The following KLK9 variants were observed in gnomAD, a reference collection of about 807,000 sequenced individuals.
KLK9 encodes the protein kallikrein-9.
Under a neutral mutation model 23.3 loss-of-function variants are expected in KLK9, and 26 were observed. The ratio of observed to expected loss-of-function variants is 1.12; its 90% CI spans 0.82 to 1.55. The LOEUF (loss-of-function observed/expected upper bound fraction) is 1.55, where lower values mean the gene tolerates loss of function less well. Ranked by LOEUF, KLK9 falls within the 40% of genes most tolerant of loss-of-function variation. KLK9 has a pLI of 0.00. For missense variants in KLK9, 346 were observed against 333.7 expected, an observed-to-expected ratio of 1.04 and a Z score of -0.29; for synonymous variants, 122 against 128.5, an observed-to-expected ratio of 0.95 and a Z score of 0.34.
chr19:51,004,227 C>T (rs1048860494), intron 3 of KLK9, among the ~76,000 whole-genome samples: 2 of 150,994 alleles, frequency 1.3e-5, no homozygotes, highest in African/African-American at 4.9e-5. Context: ...GTAATCCCAG[C>T]TACTCGGGAG....
chr19:51,007,265 T>C (rs1243362272), intron 2 of KLK9, among the ~76,000 whole-genome samples: 1 of 151,892 alleles, frequency 6.6e-6, no homozygotes, highest in East Asian at 1.9e-4. Flanking sequence ...CCTTCACCCT[T>C]CAATGCATGT....
chr19:51,009,471 A>T lies in KLK9; in HGVS notation c.43+34T>A, dbSNP rs1239302213. ...GGGAAGAGCAAGGTGACCTTAGTAC[A>T]GCCGTGAAGGGGCAGCCAGCCTGGG... On this transcript the variant is annotated intron_variant, in intron 1 of 4. Transcript: ENST00000594211. The surrounding 1 kb of genome is among the most constrained non-coding windows in gnomAD (Gnocchi z 4.8). 20 of 1,595,270 alleles carry T rather than the reference A, an allele frequency of 1.3e-5. No homozygotes were observed. Among genetic ancestry groups the T allele is most frequent in the Non-Finnish European group, 1.7e-5 (20 of 1,170,970 alleles).
Position 51,003,484 on chromosome 19 carries a change from GC to G in KLK9, c.603+219del, listed in dbSNP as rs1367083555. 6.6e-5 allele frequency among the ~76,000 whole-genome samples: 10 copies of G among 152,172 alleles called. No homozygotes were observed. In the East Asian group the frequency reaches 1.9e-3, roughly 29 times the overall value. The stretch of plus-strand genomic sequence containing the variant: ...CTCCCCGAGGACTCAGACTCTGGAC[GC>G]CCAGCCCACTCCTCCTGTAGATCCA... On this transcript the variant is annotated intron_variant, in intron 4 of 4. Coordinates refer to ENST00000594211, the MANE Select transcript of KLK9 (RefSeq NM_012315.2).
In KLK9 at chr19:51,006,344, T is replaced by C. The variant is rs2091255403; in HGVS notation, c.466+114A>G. On this transcript the variant is annotated intron_variant, in intron 3 of 4. Coordinates refer to ENST00000594211, the MANE Select transcript of KLK9 (RefSeq NM_012315.2). The surrounding 1 kb of genome is among the most constrained non-coding windows in gnomAD (Gnocchi z 4.1). ...TTGGTTAAATATATCGATTGGCAGA[T>C]AGATAGACTGACAGAGAGAGAGAGG... 1.9e-6 allele frequency: 2 copies of C among 1,046,760 alleles called. No individual in the cohort carries two copies. The highest frequency in any genetic ancestry group is 3.2e-5 in the African/African-American group (2 of 62,478). 64.8% of individuals were successfully genotyped at this position (1,046,760 alleles called of 1,614,324 possible).
At chr19:51,007,105 C>A (rs2091258729) in intron 2 of KLK9, among the ~76,000 whole-genome samples, 1 of 151,852 alleles carries the variant, frequency 6.6e-6, no homozygotes, top group South Asian at 2.1e-4. Context: ...CCACCCCTGC[C>A]CCCACAGGTC....
chr19:51,007,508 A>C (rs936722044), intron 2 of KLK9, among the ~76,000 whole-genome samples: 11 of 151,820 alleles, frequency 7.2e-5, no homozygotes, highest in African/African-American at 2.2e-4. Flanking sequence ...GATCTGGAAA[A>C]GTAGTCCTCA....
In KLK9 at chr19:51,003,099, TG is replaced by T. The variant is rs2091240496; in HGVS notation, c.*11del. On this transcript the variant is annotated 3_prime_UTR_variant, in exon 5 of 5. Transcript: ENST00000594211. ...CTCTTGGTCTTCCAAGGTGCCCCCG[TG>T]GCGCGCGGGCTCAGTTCTCCATGAT... The T allele has an allele frequency of 6.2e-7, 1 of 1,600,900 alleles. No individual in the cohort carries two copies. The highest frequency in any genetic ancestry group is 8.5e-7 in the Non-Finnish European group (1 of 1,172,104).
At chr19:51,004,532 C>T (rs2091248440) in intron 3 of KLK9, among the ~76,000 whole-genome samples, 4 of 149,876 alleles carry the variant, frequency 2.7e-5, no homozygotes, top group Admixed American at 2.7e-4. Context: ...AACTCCGTCT[C>T]TACTGAAAAT....
chr19:51,008,835 G>A (rs934237284), intron 2 of KLK9, among the ~76,000 whole-genome samples: 1 of 152,150 alleles, frequency 6.6e-6, no homozygotes, highest in African/African-American at 2.4e-5. Flanking sequence ...TCTGGGCAGT[G>A]CTGACCCAGA....
rs919034033 is a variant in KLK9, at chr19:51,002,924, C to A, written c.*187G>T. ...GTCCCTGCTCCGTTCCGAGGGGGCG[C>A]GACTGTGTCTTGCTTGACCTCGTGA... On this transcript the variant is annotated 3_prime_UTR_variant, in exon 5 of 5. Coordinates refer to ENST00000594211, the MANE Select transcript of KLK9 (RefSeq NM_012315.2). 6 of 678,326 alleles carry A rather than the reference C, an allele frequency of 8.8e-6. No individual in the cohort carries two copies. Among genetic ancestry groups the A allele is most frequent in the African/African-American group, 7.2e-5 (4 of 55,318 alleles). The allele number at this position is 678,326 out of a possible 1,614,324, so 42.0% of individuals were successfully genotyped here. A position where few individuals can be genotyped will look rare whatever the true frequency, so the allele number is the denominator to read the frequency against.
In KLK9 at chr19:51,009,249, C is replaced by T. The variant is rs770948361; in HGVS notation, c.134G>A (p.Arg45Gln). The change falls in exon 2 of 5, where the codon CGG becomes CAG. Residue 45 changes from arginine to glutamine, a missense_variant. Physicochemically the swap from Arg to Gln is conservative, Grantham distance 43. Coordinates refer to ENST00000594211, the MANE Select transcript of KLK9 (RefSeq NM_012315.2). This position sits in a 1 kb window ranked among gnomAD's most constrained non-coding sequence, Gnocchi z 4.8. ...GATGAGGGTCGCCCCACAGAAGAGC[C>T]GAGTAAGGTGGAAGAGGCCGGCCTG... The part of the protein sequence containing the change: ...PWQAGLFHLT[R>Q]LFCGATLISD... 1.2e-5 allele frequency: 19 copies of T among 1,610,006 alleles called. No homozygotes were observed. Among genetic ancestry groups the T allele is most frequent in the East Asian group, 2.2e-5 (1 of 44,760 alleles).
rs1186622232 is a variant in KLK9 at position 51,006,408 on chromosome 19, CAG to C, written c.466+48_466+49del. The C allele has an allele frequency of 1.9e-5, 28 of 1,503,330 alleles. 1 individual carries two copies. Among genetic ancestry groups the C allele is most frequent in the Non-Finnish European group, 2.5e-5 (28 of 1,115,654 alleles). The allele number at this position is 1,503,330 out of a possible 1,614,324, so 93.1% of individuals were successfully genotyped here. A position where few individuals can be genotyped will look rare whatever the true frequency, so the allele number is the denominator to read the frequency against. ...GAAGACAGAGATGAAAAGGCAGAGA[CAG>C]AGGGGTGAGGGAGCAAGTTTCAGAG... is the stretch of plus-strand genomic sequence containing the variant. On this transcript the variant is annotated intron_variant, in intron 3 of 4. Transcript: ENST00000594211. This position sits in a 1 kb window ranked among gnomAD's most constrained non-coding sequence, Gnocchi z 4.1.
In KLK9 at chr19:51,003,820, G is replaced by T. The variant is rs771623032; in HGVS notation, c.487C>A (p.Gln163Lys). The change falls in exon 4 of 5, where the codon CAG (glutamine) becomes AAG (lysine). Residue 163 changes from glutamine (Q) to lysine (K), a missense_variant. Gln to Lys is a moderately conservative substitution (Grantham distance 53, BLOSUM62 1). Coordinates refer to ENST00000594211, the MANE Select transcript of KLK9 (RefSeq NM_012315.2). ...SPKALFPVTL[Q>K]CANISILENK... ...TCCAGGATGCTGATGTTGGCACACT[G>T]CAGTGTGACTGGAAACAGCGCTGTC... 3 of 1,613,926 alleles carry T rather than the reference G, an allele frequency of 1.9e-6. No individual in the cohort carries two copies. In the Admixed American group the frequency reaches 5.0e-5, roughly 27 times the overall value.
intron 2 of KLK9, among the ~76,000 whole-genome samples, chr19:51,007,063 CG>C (rs1204509296): frequency 3.3e-5 from 5 of 151,944 alleles, no homozygotes; most frequent in African/African-American, 1.2e-4. Flanking sequence ...GGTGTGGGCA[CG>C]GGGGACCCCA....
At position 51,009,529 on chromosome 19, in the gene KLK9, AGAG is replaced by A; in HGVS notation, c.16_18del (p.Leu6del). Reference sequence around the variant, plus strand: ...CCTGCCAGCAGAGAGAGCAGAGCACAGAGGAGTCCCAGCTTCATGACCCCTGGG... The same window carrying A: ...CCTGCCAGCAGAGAGAGCAGAGCACAGAGTCCCAGCTTCATGACCCCTGGG... On this transcript the variant is annotated inframe_deletion, in exon 1 of 5. Coordinates refer to ENST00000594211, the MANE Select transcript of KLK9 (RefSeq NM_012315.2). This position sits in a 1 kb window ranked among gnomAD's most constrained non-coding sequence, Gnocchi z 4.8. 6.2e-7 allele frequency: 1 copy of A among 1,613,090 alleles called. No individual in the cohort carries two copies. The highest frequency in any genetic ancestry group is 8.5e-7 in the Non-Finnish European group (1 of 1,179,738).
Position 51,003,162 on chromosome 19 carries a change from G to A in KLK9, c.702C>T (p.Tyr234=). 2 of 1,613,038 alleles carry A rather than the reference G, an allele frequency of 1.2e-6. No individual in the cohort carries two copies. The highest frequency in any genetic ancestry group is 1.7e-6 in the Non-Finnish European group (2 of 1,179,850). Residue 234 remains tyrosine, a synonymous_variant, in exon 5 of 5, where the codon TAC becomes TAT. Coordinates refer to ENST00000594211, the MANE Select transcript of KLK9 (RefSeq NM_012315.2). ...PCSRPRRPAV[Y]TSVCHYLDWI... ...AGTCAAGGTAGTGGCATACGCTGGT[G>A]TAGACTGCGGGGCGCCGGGGTCTGG...
intron 3 of KLK9, among the ~76,000 whole-genome samples, chr19:51,004,081 C>T (rs183694524): frequency 2.4e-4 from 37 of 152,166 alleles, no homozygotes; most frequent in Non-Finnish European, 4.4e-4. Context: ...TGGCTCATGC[C>T]TGTAATCCCA....
At position 51,006,745 on chromosome 19, in the gene KLK9, G is replaced by T. The variant is rs774126599; in HGVS notation, c.201-22C>A. ...ATACCTGCTGGGACAGGCCTCAGAG[G>T]TCAAGCTGGGGGAAAGGTAAAAGTC... On this transcript the variant is annotated intron_variant, in intron 2 of 4. Transcript: ENST00000594211. The surrounding 1 kb of genome is among the most constrained non-coding windows in gnomAD (Gnocchi z 4.1). 1.3e-6 allele frequency: 2 copies of T among 1,541,886 alleles called. No homozygotes were observed. The highest frequency in any genetic ancestry group is 1.4e-5 in the African/African-American group (1 of 72,814).
Position 51,009,333 on chromosome 19 carries a change from C to G in KLK9, c.50G>C (p.Gly17Ala), listed in dbSNP as rs752120360. ...CCCGATGGCACGGGTGTCTGCCCAG[C>G]CATGCCCTGGGGTGGGGATGAGGGA... ...CALLSLLAGH[G>A]WADTRAIGAE... Residue 17 changes from glycine to alanine, a missense_variant, in exon 2 of 5, where the codon GGC (glycine) becomes GCC (alanine). Gly to Ala is a moderately conservative substitution (Grantham distance 60). Coordinates refer to ENST00000594211, the MANE Select transcript of KLK9 (RefSeq NM_012315.2). The surrounding 1 kb of genome is among the most constrained non-coding windows in gnomAD (Gnocchi z 4.8). The G allele has an allele frequency of 6.3e-7, 1 of 1,582,672 alleles. No homozygotes were observed. Among genetic ancestry groups the G allele is most frequent in the Non-Finnish European group, 8.6e-7 (1 of 1,163,918 alleles).
Sources: allele counts gnomAD v4.1 joint callset (sites outside exome capture counted in the v4.1 genomes callset), GRCh38; gene constraint gnomAD v4.1.1; non-coding constraint Gnocchi (gnomAD v3.1); transcripts MANE v1.5; gene names NCBI Gene and HGNC (gene_info 2026-07-23, HGNC 2026-07-21).